Variants in PTPRD observed in about 807,000 individuals in gnomAD.
The protein encoded by PTPRD is protein tyrosine phosphatase receptor type D, also known as receptor-type tyrosine-protein phosphatase delta.
In PTPRD, 34 loss-of-function variants were observed where a neutral mutation model predicts 214.5. The observed-to-expected ratio is 0.16, with a 90% CI of 0.12 to 0.21. The LOEUF (loss-of-function observed/expected upper bound fraction) is 0.21. PTPRD is among the 10% of genes least tolerant of loss of function. PTPRD has a pLI of 1.00. For synonymous variants in PTPRD, 1,128 were observed against 845.7 expected, an observed-to-expected ratio of 1.33 and a Z score of -5.79; for missense variants, 2,545 against 2,398.7, an observed-to-expected ratio of 1.06 and a Z score of -1.27.
chr9:8,699,020 C>A (rs2098004703), intron 12 of PTPRD, among the ~76,000 whole-genome samples: 2 of 152,064 alleles, frequency 1.3e-5, no homozygotes, highest in Non-Finnish European at 2.9e-5. Flanking sequence ...GTTGTGAATT[C>A]TTTTCTTCTT....
intron 3 of PTPRD, among the ~76,000 whole-genome samples, chr9:10,152,756 C>T (rs1232710748): frequency 2.6e-5 from 4 of 152,126 alleles, no homozygotes; most frequent in African/African-American, 7.2e-5. Flanking sequence ...ACCTGGAAGG[C>T]GGAGGTTGTG....
At chr9:10,063,409 G>A (rs377180810) in intron 3 of PTPRD, among the ~76,000 whole-genome samples, 5 of 151,960 alleles carry the variant, frequency 3.3e-5, no homozygotes, top group South Asian at 2.1e-4. Context: ...ATAAAAAAGA[G>A]TAATAACATA....
intron 3 of PTPRD, among the ~76,000 whole-genome samples, chr9:10,169,583 A>G (rs1250371806): frequency 6.6e-6 from 1 of 152,090 alleles, no homozygotes; most frequent in Non-Finnish European, 1.5e-5. Context: ...AAAAAATTAT[A>G]AAATAGGTCA....
chr9:8,833,936 T>G (rs777702268), intron 11 of PTPRD, among the ~76,000 whole-genome samples: 18,418 of 151,960 alleles, frequency 0.12, 1,365 homozygotes, highest in East Asian at 0.27. Context: ...CCGGGCATTT[T>G]AAGAAGTTAC....
In PTPRD at chr9:8,841,096, T is replaced by C. The variant is rs926958850; in HGVS notation, c.-103-107150A>G. ...TATTAAATCTTTCTGGGGTAAAATG[T>C]GTGGCTGTTTCATTACAACTCCTGC... is the stretch of plus-strand genomic sequence containing the variant. On this transcript the variant is annotated intron_variant, in intron 11 of 45. Transcript: ENST00000381196. 1.3e-5 allele frequency among the ~76,000 whole-genome samples: 2 copies of C among 152,332 alleles called. 1 individual carries two copies. Among genetic ancestry groups the C allele is most frequent in the South Asian group, 4.1e-4 (2 of 4,826 alleles).
chr9:8,600,527 G>C (rs1287004040), intron 14 of PTPRD, among the ~76,000 whole-genome samples: 1 of 151,656 alleles, frequency 6.6e-6, no homozygotes, highest in African/African-American at 2.4e-5. Flanking sequence ...GAGAATAGAA[G>C]AGGAAAGAGT....
At chr9:8,421,753 A>G (rs1051488783) in intron 35 of PTPRD, among the ~76,000 whole-genome samples, 1 of 151,858 alleles carries the variant, frequency 6.6e-6, no homozygotes, top group Admixed American at 6.6e-5. Flanking sequence ...ACAAATATTC[A>G]CCAAAGGTAG....
intron 11 of PTPRD, among the ~76,000 whole-genome samples, chr9:8,888,639 G>C (rs1374770721): frequency 1.3e-5 from 2 of 152,154 alleles, no homozygotes; most frequent in African/African-American, 4.8e-5. Flanking sequence ...CACCTTGAGG[G>C]TTATTTTTAT....
intron 9 of PTPRD, among the ~76,000 whole-genome samples, chr9:9,335,508 ACTAAGT>A (rs2044093415): frequency 6.6e-6 from 1 of 152,084 alleles, no homozygotes; most frequent in Non-Finnish European, 1.5e-5. Context: ...ACATTACCTT[ACTAAGT>A]CTGTTTGAAT....
chr9:8,736,906 C>T (rs1430236829), intron 11 of PTPRD, among the ~76,000 whole-genome samples: 3 of 152,154 alleles, frequency 2.0e-5, no homozygotes, highest in Non-Finnish European at 1.5e-5. Context: ...ATCAGCTCTC[C>T]CCTCCCCATT....
chr9:8,788,936 A>C (rs2096110621), intron 11 of PTPRD, among the ~76,000 whole-genome samples: 1 of 152,194 alleles, frequency 6.6e-6, no homozygotes, highest in Admixed American at 6.6e-5. Flanking sequence ...ACTGGACCTT[A>C]TCAATGTCAC....
intron 44 of PTPRD, among the ~76,000 whole-genome samples, chr9:8,330,327 T>TGTAA (rs770166625): frequency 6.6e-6 from 1 of 152,152 alleles, no homozygotes; most frequent in Non-Finnish European, 1.5e-5. Context: ...TTCCAGCTCT[T>TGTAA]GTAAGTACAT....
At chr9:10,038,882 C>T (rs2097242556) in intron 3 of PTPRD, among the ~76,000 whole-genome samples, 1 of 151,990 alleles carries the variant, frequency 6.6e-6, no homozygotes, top group Admixed American at 6.6e-5. Flanking sequence ...CATTTCTCTC[C>T]CAGATTGTTT....
At chr9:9,765,120 G>A (rs2098695908) in intron 6 of PTPRD, among the ~76,000 whole-genome samples, 1 of 152,006 alleles carries the variant, frequency 6.6e-6, no homozygotes, top group Admixed American at 6.6e-5. Context: ...AGTCACATTA[G>A]TCTCTTTACA....
At chr9:10,239,247 T>G (rs1382149929) in intron 3 of PTPRD, among the ~76,000 whole-genome samples, 1 of 151,948 alleles carries the variant, frequency 6.6e-6, no homozygotes, top group Admixed American at 6.6e-5. Flanking sequence ...GGAATACTGC[T>G]GATGATGTTT....
chr9:8,757,481 G>A (rs1192991584), intron 11 of PTPRD, among the ~76,000 whole-genome samples: 6 of 151,864 alleles, frequency 4.0e-5, no homozygotes, highest in Admixed American at 3.9e-4. Flanking sequence ...GTGTAAGAAG[G>A]AATTAAGATG....
chr9:10,017,418 C>T (rs1477757084), intron 4 of PTPRD, among the ~76,000 whole-genome samples: 1 of 151,934 alleles, frequency 6.6e-6, no homozygotes, highest in African/African-American at 2.4e-5. Context: ...GTTTTATAAA[C>T]AGTTCTTATT....
Position 8,523,586 on chromosome 9 carries a change from G to T in PTPRD, c.680-62C>A. ...AAATGAGGAAAGGAGAAAAACAAGG[G>T]AAACACAGAGAGAGTAAAAAGGCCA... On this transcript the variant is annotated intron_variant, in intron 18 of 45. Coordinates refer to ENST00000381196, the MANE Select transcript of PTPRD (RefSeq NM_002839.4). 1.9e-6 allele frequency: 3 copies of T among 1,585,620 alleles called. No individual in the cohort carries two copies. The South Asian group carries it at 3.4e-5, about 18-fold the overall frequency.
intron 3 of PTPRD, among the ~76,000 whole-genome samples, chr9:10,310,270 G>T (rs970594683): frequency 3.3e-5 from 5 of 151,978 alleles, no homozygotes; most frequent in Admixed American, 2.0e-4. Flanking sequence ...GCCAGTAAAA[G>T]AAAAAGATTG....
Sources: allele counts gnomAD v4.1 joint callset (sites outside exome capture counted in the v4.1 genomes callset), GRCh38; gene constraint gnomAD v4.1.1; transcripts MANE v1.5; gene names NCBI Gene and HGNC (gene_info 2026-07-23, HGNC 2026-07-21).